Variants in GALNT18 observed in about 807,000 individuals in gnomAD.
The protein encoded by GALNT18 is polypeptide N-acetylgalactosaminyltransferase 18.
A neutral mutation model predicts 69.5 loss-of-function variants in GALNT18; 44 were observed. That is an observed-to-expected ratio of 0.63 (90% confidence interval 0.50 to 0.81). The LOEUF is 0.81. GALNT18 is among the 40% of genes least tolerant of loss of function. The pLI, the probability that GALNT18 is intolerant of heterozygous loss-of-function variation, is 0.00. For synonymous variants in GALNT18, 364 were observed against 318.2 expected (o/e 1.14, Z -1.53); for missense variants, 715 against 810.0 (o/e 0.88, Z 1.42).
intron 3 of GALNT18, among the ~76,000 whole-genome samples, chr11:11,420,483 G>A (rs1463102008): frequency 1.3e-5 from 2 of 152,142 alleles, no homozygotes; most frequent in African/African-American, 4.8e-5. Flanking sequence ...CATGGTTTGG[G>A]GCAGCCTTTC....
chr11:11,460,156 A>C (rs1290426251), intron 1 of GALNT18, among the ~76,000 whole-genome samples: 1 of 152,140 alleles, frequency 6.6e-6, no homozygotes, highest in Non-Finnish European at 1.5e-5. Flanking sequence ...TGAATTCACA[A>C]CCTTAATTCC....
In GALNT18 at chr11:11,586,230, T is replaced by C. The variant is rs1859221465; in HGVS notation, c.235+35129A>G. On this transcript the variant is annotated intron_variant, in intron 1 of 10. Transcript: ENST00000227756. This position sits in a 1 kb window ranked among gnomAD's most constrained non-coding sequence, Gnocchi z 4.1. ...AAATTGTACCAAGAGTCTGTAGTTC[T>C]TTTTCACAAAAAGTGTGCTACTTAT... Among the ~76,000 whole-genome samples the C allele has an allele frequency of 6.6e-6, 1 of 152,182 alleles. No homozygotes were observed.
chr11:11,605,911 C>T lies in GALNT18; in HGVS notation c.235+15448G>A, dbSNP rs762665856. Reference sequence around the variant, plus strand: ...AAAGCACACTGCACACACGCTCATGCGCACACACACACACCACTGAGCTTC... The same window carrying T: ...AAAGCACACTGCACACACGCTCATGTGCACACACACACACCACTGAGCTTC... On this transcript the variant is annotated intron_variant, in intron 1 of 10. Coordinates refer to ENST00000227756, the MANE Select transcript of GALNT18 (RefSeq NM_198516.3). The surrounding 1 kb of genome is among the most constrained non-coding windows in gnomAD (Gnocchi z 4.7). Among the ~76,000 whole-genome samples the T allele has an allele frequency of 9.9e-5, 15 of 152,150 alleles. No individual in the cohort carries two copies. The highest frequency in any genetic ancestry group is 3.1e-4 in the African/African-American group (13 of 41,440).
In GALNT18 at chr11:11,306,435, G is replaced by T. The variant is rs570829150; in HGVS notation, c.1513-13242C>A. Among the ~76,000 whole-genome samples, 26 of 152,290 alleles carry T rather than the reference G, an allele frequency of 1.7e-4. 2 individuals carry two copies. The South Asian group carries it at 5.2e-3, about 30-fold the overall frequency. On this transcript the variant is annotated intron_variant, in intron 9 of 10. Transcript: ENST00000227756. ...TCATGTGGATAAAATAATGGTGGCT[G>T]ATTTTAATCTGCAGATATAAGTCTC...
In GALNT18 at chr11:11,439,299, T is replaced by C. The variant is rs1292943111; in HGVS notation, c.429-6512A>G. 6.6e-6 allele frequency among the ~76,000 whole-genome samples: 1 copy of C among 152,150 alleles called. No individual in the cohort carries two copies. Among genetic ancestry groups the C allele is most frequent in the Non-Finnish European group, 1.5e-5 (1 of 68,014 alleles). On this transcript the variant is annotated intron_variant, in intron 2 of 10. Coordinates refer to ENST00000227756, the MANE Select transcript of GALNT18 (RefSeq NM_198516.3). This position sits in a 1 kb window ranked among gnomAD's most constrained non-coding sequence, Gnocchi z 4.4. Reference sequence around the variant, plus strand: ...GATGGCAGGCTGGAGCTGTCCAGGATGTCTTGAACCACGCTGCCTCCTCCA... The same window carrying C: ...GATGGCAGGCTGGAGCTGTCCAGGACGTCTTGAACCACGCTGCCTCCTCCA...
chr11:11,396,010 C>A lies in GALNT18; in HGVS notation c.596-16746G>T, dbSNP rs1854317618. ...GAGGGGAGAGGGAGGGGGGACACAG[C>A]CAGGTGGGAGAGGTGCCATTTTCCT... On this transcript the variant is annotated intron_variant, in intron 3 of 10. Transcript: ENST00000227756. This position sits in a 1 kb window ranked among gnomAD's most constrained non-coding sequence, Gnocchi z 5.2. Among the ~76,000 whole-genome samples, 1 of 152,158 alleles carries A rather than the reference C, an allele frequency of 6.6e-6. No homozygotes were observed. Among genetic ancestry groups the A allele is most frequent in the Non-Finnish European group, 1.5e-5 (1 of 68,026 alleles).
At chr11:11,376,146 G>T (rs998459033) in intron 5 of GALNT18, among the ~76,000 whole-genome samples, 1 of 152,160 alleles carries the variant, frequency 6.6e-6, no homozygotes, top group South Asian at 2.1e-4. Flanking sequence ...ACTTTGGGAG[G>T]CCGAGGCGGG....
chr11:11,441,325 T>G (rs1384753768), intron 2 of GALNT18, among the ~76,000 whole-genome samples: 1 of 152,164 alleles, frequency 6.6e-6, no homozygotes, highest in Non-Finnish European at 1.5e-5. Flanking sequence ...AATGGCAAAA[T>G]CATGATTAAG....
intron 3 of GALNT18, among the ~76,000 whole-genome samples, chr11:11,393,264 C>A (rs972531204): frequency 2.0e-5 from 3 of 152,202 alleles, no homozygotes; most frequent in Non-Finnish European, 4.4e-5. Flanking sequence ...GAGGGAGACT[C>A]TTAAATTCAG....
intron 1 of GALNT18, among the ~76,000 whole-genome samples, chr11:11,450,609 G>A (rs929278601): frequency 1.3e-5 from 2 of 152,256 alleles, no homozygotes; most frequent in Admixed American, 6.5e-5. Context: ...CCCAGGTGCC[G>A]AACTCACTGG....
chr11:11,359,819 G>A (rs1350371793), intron 6 of GALNT18, among the ~76,000 whole-genome samples: 1 of 152,160 alleles, frequency 6.6e-6, no homozygotes, highest in African/African-American at 2.4e-5. Flanking sequence ...TAGTGATTAA[G>A]GCATTCATTT....
At position 11,603,925 on chromosome 11, in the gene GALNT18, G is replaced by T. The variant is rs765573521; in HGVS notation, c.235+17434C>A. On this transcript the variant is annotated intron_variant, in intron 1 of 10. Transcript: ENST00000227756. This position sits in a 1 kb window ranked among gnomAD's most constrained non-coding sequence, Gnocchi z 4.5. ...TGAAATCCTAACCCCTAAGTTGATGGAATTAGGAGGTAGGGCCTTTGGGAG... is the reference window on the plus strand; with the variant it reads ...TGAAATCCTAACCCCTAAGTTGATGTAATTAGGAGGTAGGGCCTTTGGGAG... Among the ~76,000 whole-genome samples the T allele has an allele frequency of 6.6e-6, 1 of 152,172 alleles. No individual in the cohort carries two copies. Among genetic ancestry groups the T allele is most frequent in the Non-Finnish European group, 1.5e-5 (1 of 68,022 alleles).
At chr11:11,512,793 C>T (rs992611611) in intron 1 of GALNT18, among the ~76,000 whole-genome samples, 1 of 152,162 alleles carries the variant, frequency 6.6e-6, no homozygotes. Context: ...ACTCTCCTAA[C>T]CCATCTATCA....
At chr11:11,410,693 T>G (rs1854706707) in intron 3 of GALNT18, among the ~76,000 whole-genome samples, 1 of 152,190 alleles carries the variant, frequency 6.6e-6, no homozygotes, top group Non-Finnish European at 1.5e-5. Context: ...TAAGAGGCAT[T>G]TTCCCCTGGG....
At chr11:11,558,047 C>A (rs1858374603) in intron 1 of GALNT18, among the ~76,000 whole-genome samples, 1 of 152,182 alleles carries the variant, frequency 6.6e-6, no homozygotes, top group Non-Finnish European at 1.5e-5. Flanking sequence ...ATCTCTGCCG[C>A]CTGCCTTCAC....
rs975022526 is a variant in GALNT18 at position 11,602,595 on chromosome 11, A to G, written c.235+18764T>C. On this transcript the variant is annotated intron_variant, in intron 1 of 10. Transcript: ENST00000227756. The surrounding 1 kb of genome is among the most constrained non-coding windows in gnomAD (Gnocchi z 4.7). The stretch of plus-strand genomic sequence containing the variant: ...ACTAAAATTTAGTAGATTTTCTTGA[A>G]TAAGTGTTTCTTCATTTTATGTATC... Among the ~76,000 whole-genome samples the G allele has an allele frequency of 1.3e-5, 2 of 152,176 alleles. No individual in the cohort carries two copies. Among genetic ancestry groups the G allele is most frequent in the Admixed American group, 6.5e-5 (1 of 15,284 alleles).
intron 9 of GALNT18, among the ~76,000 whole-genome samples, chr11:11,326,041 C>CTTT (rs34393732): frequency 1.7e-4 from 18 of 105,412 alleles, no homozygotes; most frequent in East Asian, 2.6e-4. Flanking sequence ...TGCTAAATAT[C>CTTT]TTTTTTTTTT....
intron 9 of GALNT18, among the ~76,000 whole-genome samples, chr11:11,300,110 T>C (rs970112848): frequency 2.0e-5 from 3 of 152,250 alleles, no homozygotes; most frequent in African/African-American, 7.2e-5. Context: ...ACACACATTT[T>C]CAAGGCACAA....
intron 9 of GALNT18, among the ~76,000 whole-genome samples, chr11:11,316,599 A>G (rs3993152): frequency 0.16 from 23,736 of 152,224 alleles, 2,451 homozygotes; most frequent in Admixed American, 0.32. Flanking sequence ...TTAGTATTTC[A>G]AAAACGTCAG....
Sources: allele counts gnomAD v4.1 joint callset (sites outside exome capture counted in the v4.1 genomes callset), GRCh38; gene constraint gnomAD v4.1.1; non-coding constraint Gnocchi (gnomAD v3.1); transcripts MANE v1.5; gene names NCBI Gene and HGNC (gene_info 2026-07-23, HGNC 2026-07-21).